GALNT7: variants seen among roughly 807,000 people sequenced by gnomAD.
GALNT7 encodes the protein N-acetylgalactosaminyltransferase 7.
A neutral mutation model predicts 82.1 loss-of-function variants in GALNT7; 60 were observed. That is an observed-to-expected ratio of 0.73 (90% CI 0.59 to 0.91). The LOEUF (loss-of-function observed/expected upper bound fraction) is 0.91. Ranked by LOEUF, GALNT7 falls within the 40% of genes least tolerant of loss-of-function variation. GALNT7 has a pLI of 0.00. For missense variants in GALNT7, 660 were observed against 804.2 expected (o/e 0.82, Z 2.17); for synonymous variants, 243 against 275.1 (o/e 0.88, Z 1.15).
chr4:173,182,925 T>TACACACACACACAC (rs61378172), intron 1 of GALNT7, among the ~76,000 whole-genome samples: 4,331 of 134,178 alleles, frequency 0.032, 185 homozygotes, highest in African/African-American at 0.084. Flanking sequence ...TTACTCATAA[T>TACACACACACACAC]ACACACACAC....
chr4:173,301,241 C>G (rs1382831823), intron 6 of GALNT7, among the ~76,000 whole-genome samples: 1 of 151,820 alleles, frequency 6.6e-6, no homozygotes, highest in Non-Finnish European at 1.5e-5. Flanking sequence ...TGAAGTTACC[C>G]TAATAATACT....
chr4:173,231,442 A>C (rs1734029972), intron 1 of GALNT7, among the ~76,000 whole-genome samples: 1 of 152,180 alleles, frequency 6.6e-6, no homozygotes, highest in South Asian at 2.1e-4. Flanking sequence ...GTTGTTTAGC[A>C]TTGTGGCCAC....
At chr4:173,189,612 G>A (rs1295414691) in intron 1 of GALNT7, among the ~76,000 whole-genome samples, 2 of 152,228 alleles carry the variant, frequency 1.3e-5, no homozygotes, top group Non-Finnish European at 2.9e-5. Flanking sequence ...ATTGAATGAA[G>A]TGCTTTAAAA....
chr4:173,178,308 CA>C (rs1732137373), intron 1 of GALNT7, among the ~76,000 whole-genome samples: 1 of 151,836 alleles, frequency 6.6e-6, no homozygotes, highest in Non-Finnish European at 1.5e-5. Flanking sequence ...AAAACAATAG[CA>C]AAACTATGCT....
chr4:173,204,047 TTGTC>T (rs1181554851), intron 1 of GALNT7, among the ~76,000 whole-genome samples: 1 of 152,194 alleles, frequency 6.6e-6, no homozygotes, highest in East Asian at 1.9e-4. Flanking sequence ...CAGCTTTTGT[TTGTC>T]TGGGCAAGTC....
chr4:173,283,842 C>A (rs551365709), intron 2 of GALNT7, among the ~76,000 whole-genome samples: 2 of 152,104 alleles, frequency 1.3e-5, no homozygotes, highest in South Asian at 4.1e-4. Flanking sequence ...TGTTTTGTTG[C>A]AAAATAAAGT....
intron 1 of GALNT7, 35 bp downstream of exon 1, chr4:173,168,996 G>T: frequency 6.2e-7 from 1 of 1,605,452 alleles, no homozygotes; most frequent in South Asian, 1.1e-5. Context: ...CGGCGGCAGC[G>T]ACCGGCAACT....
At chr4:173,178,066 T>C (rs62341135) in intron 1 of GALNT7, among the ~76,000 whole-genome samples, 25,159 of 117,240 alleles carry the variant, frequency 0.21, 2,249 homozygotes, top group African/African-American at 0.25. Context: ...CGCACGCGCG[T>C]GCGCACAGAC....
chr4:173,178,037 GTGTGTGTGTGTGTGTGCGCGCA>G (rs1463816119), intron 1 of GALNT7, among the ~76,000 whole-genome samples: 8 of 120,160 alleles, frequency 6.7e-5, no homozygotes, highest in African/African-American at 2.5e-4. Flanking sequence ...GTGTGTGTGT[GTGTGTGTGTGTGTGTGCGCGCA>G]CGCGCGTGCG....
intron 1 of GALNT7, among the ~76,000 whole-genome samples, chr4:173,226,308 C>A (rs1733825259): frequency 6.6e-6 from 1 of 152,026 alleles, no homozygotes; most frequent in Non-Finnish European, 1.5e-5. Flanking sequence ...CTTTTTTAAC[C>A]CAGTTGTACC....
intron 1 of GALNT7, among the ~76,000 whole-genome samples, chr4:173,209,863 A>G (rs1242384418): frequency 1.3e-5 from 2 of 152,244 alleles, no homozygotes; most frequent in African/African-American, 4.8e-5. Context: ...GGCTGGGTGC[A>G]GTGGCTGACG....
rs774616056 is a variant in GALNT7, at chr4:173,314,154, C to T, written c.1586C>T (p.Pro529Leu). Residue 529 changes from proline to leucine, a missense_variant, in exon 9 of 12, where the codon CCC becomes CTC. Pro to Leu is a moderately conservative substitution (Grantham distance 98, BLOSUM62 -3). Coordinates refer to ENST00000265000, the MANE Select transcript of GALNT7 (RefSeq NM_017423.3). ...ATCACCTCACACTACCCTTTGCCAC[C>T]CAAAAATGTTGACTGGGGAGAAGTA... The part of the protein sequence containing the change: ...YDITSHYPLP[P>L]KNVDWGEIRG... 2 of 1,610,480 alleles carry T rather than the reference C, an allele frequency of 1.2e-6. No homozygotes were observed. Among genetic ancestry groups the T allele is most frequent in the Non-Finnish European group, 1.7e-6 (2 of 1,176,792 alleles).
chr4:173,262,207 G>C (rs1029323609), intron 2 of GALNT7, among the ~76,000 whole-genome samples: 19 of 151,998 alleles, frequency 1.3e-4, no homozygotes, highest in African/African-American at 4.6e-4. Flanking sequence ...AAGTAATTGT[G>C]GATACTCCTT....
chr4:173,173,762 C>T (rs1000366664), intron 1 of GALNT7, among the ~76,000 whole-genome samples: 4 of 152,140 alleles, frequency 2.6e-5, no homozygotes, highest in Non-Finnish European at 5.9e-5. Context: ...CAACTTTAGT[C>T]AAGTCATTAA....
In GALNT7 at chr4:173,276,562, C is replaced by T. The variant is rs184721340; in HGVS notation, c.588-15546C>T. On this transcript the variant is annotated intron_variant, in intron 2 of 11. Coordinates refer to ENST00000265000, the MANE Select transcript of GALNT7 (RefSeq NM_017423.3). ...GTATTATCAAGAAAAGAATAGTCTA[C>T]ATGGGGGTTAGAATAAGGGAACCTA... Among the ~76,000 whole-genome samples, 359 of 152,202 alleles carry T rather than the reference C, an allele frequency of 2.4e-3. 1 individual carries two copies. Among genetic ancestry groups the T allele is most frequent in the African/African-American group, 8.3e-3 (345 of 41,524 alleles).
intron 5 of GALNT7, among the ~76,000 whole-genome samples, chr4:173,296,198 ACCTGTTGAT>A (rs1736711346): frequency 6.6e-6 from 1 of 152,146 alleles, no homozygotes; most frequent in South Asian, 2.1e-4. Flanking sequence ...TTGATATTAT[ACCTGTTGAT>A]TTTTGTGCCT....
At chr4:173,254,359 T>A (rs987020325) in intron 2 of GALNT7, among the ~76,000 whole-genome samples, 10 of 152,224 alleles carry the variant, frequency 6.6e-5, no homozygotes, top group African/African-American at 2.4e-4. Context: ...TCTTATTCTC[T>A]ATCCATATTA....
intron 1 of GALNT7, among the ~76,000 whole-genome samples, chr4:173,209,175 T>A (rs541759279): frequency 1.3e-5 from 2 of 152,324 alleles, no homozygotes; most frequent in Admixed American, 1.3e-4. Context: ...TTTCAGAATT[T>A]TAATATCTGG....
intron 1 of GALNT7, among the ~76,000 whole-genome samples, chr4:173,190,927 A>G (rs376045252): frequency 1.3e-5 from 2 of 152,210 alleles, no homozygotes; most frequent in Non-Finnish European, 1.5e-5. Context: ...AATCACTATC[A>G]GACCCCATTG....
Sources: allele counts gnomAD v4.1 joint callset (sites outside exome capture counted in the v4.1 genomes callset), GRCh38; gene constraint gnomAD v4.1.1; transcripts MANE v1.5; gene names NCBI Gene and HGNC (gene_info 2026-07-23, HGNC 2026-07-21).